Variants in KCNIP4 observed in about 807,000 individuals in gnomAD.
The protein encoded by KCNIP4 is Kv channel-interacting protein 4.
In KCNIP4, 12 loss-of-function variants were observed where a neutral mutation model predicts 34.0. The ratio of observed to expected loss-of-function variants is 0.35; its 90% confidence interval spans 0.23 to 0.57. The LOEUF is 0.57. KCNIP4 is among the 20% of genes least tolerant of loss of function. The pLI is 0.83. For synonymous variants in KCNIP4, 124 were observed against 102.2 expected, an observed-to-expected ratio of 1.21 and a Z score of -1.29; for missense variants, 238 against 311.7, an observed-to-expected ratio of 0.76 and a Z score of 1.78.
intron 1 of KCNIP4, among the ~76,000 whole-genome samples, chr4:21,670,900 C>CCCG (rs1560612628): frequency 6.6e-6 from 1 of 152,004 alleles, no homozygotes; most frequent in Non-Finnish European, 1.5e-5. Context: ...TCGTGATCCG[C>CCCG]CCGCCTCGGC....
intron 1 of KCNIP4, among the ~76,000 whole-genome samples, chr4:21,593,121 G>GTT (rs971678800): frequency 2.3e-4 from 13 of 56,130 alleles, no homozygotes; most frequent in Admixed American, 2.2e-3. Context: ...GTGTGTGTTT[G>GTT]TGTGTGTGTG....
intron 1 of KCNIP4, among the ~76,000 whole-genome samples, chr4:21,485,272 C>T (rs1002435439): frequency 6.6e-6 from 1 of 152,058 alleles, no homozygotes; most frequent in Non-Finnish European, 1.5e-5. Context: ...TTATTAAATG[C>T]TAACACTTCT....
chr4:21,232,250 CA>C (rs1215911331), intron 1 of KCNIP4, among the ~76,000 whole-genome samples: 1 of 152,058 alleles, frequency 6.6e-6, no homozygotes, highest in East Asian at 1.9e-4. Flanking sequence ...AGGTGTTGTG[CA>C]CACAGAAGAG....
At chr4:21,364,344 T>C (rs1036388079) in intron 1 of KCNIP4, among the ~76,000 whole-genome samples, 2 of 152,156 alleles carry the variant, frequency 1.3e-5, no homozygotes, top group African/African-American at 2.4e-5. Context: ...CTGAATGGCA[T>C]GGTTTCTGCC....
chr4:21,421,940 T>C (rs531686298), intron 1 of KCNIP4, among the ~76,000 whole-genome samples: 4 of 152,196 alleles, frequency 2.6e-5, no homozygotes, highest in Non-Finnish European at 4.4e-5. Flanking sequence ...ATTTCTTCTA[T>C]CATATTACTT....
intron 1 of KCNIP4, among the ~76,000 whole-genome samples, chr4:21,389,988 G>A (rs1161413574): frequency 3.7e-5 from 5 of 135,980 alleles, no homozygotes; most frequent in Non-Finnish European, 6.6e-5. Context: ...TTTAATGATT[G>A]CCCTTCTAAC....
rs147074441 is a variant in KCNIP4, at chr4:20,865,668, C to A, written c.164-15001G>T. Among the ~76,000 whole-genome samples the A allele has an allele frequency of 7.2e-5, 11 of 151,980 alleles. No individual in the cohort carries two copies. In the East Asian group the frequency reaches 2.1e-3, roughly 29 times the overall value. On this transcript the variant is annotated intron_variant, in intron 2 of 8. Transcript: ENST00000382152. ...AAAGAACCTAAAAAAATGTTGAATA[C>A]ACAGAGATAGAGAATAAAACAATGG...
chr4:21,879,104 C>G (rs1451980057), intron 1 of KCNIP4, among the ~76,000 whole-genome samples: 1 of 152,068 alleles, frequency 6.6e-6, no homozygotes, highest in Non-Finnish European at 1.5e-5. Flanking sequence ...TAGACAGTAG[C>G]TTTTCCCCCC....
At chr4:21,650,256 C>G (rs1456797476) in intron 1 of KCNIP4, among the ~76,000 whole-genome samples, 1 of 152,170 alleles carries the variant, frequency 6.6e-6, no homozygotes, top group Non-Finnish European at 1.5e-5. Context: ...TAAAAATTTT[C>G]TTTCACCTTG....
chr4:21,806,862 CA>C (rs1721327716), intron 1 of KCNIP4, among the ~76,000 whole-genome samples: 1 of 152,078 alleles, frequency 6.6e-6, no homozygotes, highest in African/African-American at 2.4e-5. Context: ...TTTCTACAGA[CA>C]AGGAGGGTTG....
At chr4:20,735,950 A>C (rs62410158) in intron 5 of KCNIP4, among the ~76,000 whole-genome samples, 25,480 of 152,142 alleles carry the variant, frequency 0.17, 2,221 homozygotes, top group Middle Eastern at 0.24. Flanking sequence ...CTTCTGGGTG[A>C]ATTTGCATTA....
chr4:20,847,504 T>C (rs1363098273), intron 3 of KCNIP4, among the ~76,000 whole-genome samples: 1 of 152,084 alleles, frequency 6.6e-6, no homozygotes, highest in African/African-American at 2.4e-5. Context: ...AGGCTCCTTA[T>C]AGGTGGACAG....
chr4:20,850,759 C>A, intron 2 of KCNIP4, 92 bp from the exon 3 acceptor site: 1 of 1,449,664 alleles, frequency 6.9e-7, no homozygotes, highest in Non-Finnish European at 9.3e-7. Flanking sequence ...AACATGTCTG[C>A]TAATGTCTGT....
chr4:20,858,811 T>C (rs1341506956), intron 2 of KCNIP4, among the ~76,000 whole-genome samples: 1 of 152,214 alleles, frequency 6.6e-6, no homozygotes, highest in African/African-American at 2.4e-5. Flanking sequence ...AGAAGTTCAG[T>C]GAGATAGCTA....
intron 1 of KCNIP4, among the ~76,000 whole-genome samples, chr4:21,624,885 C>G (rs1254181551): frequency 6.6e-6 from 1 of 152,080 alleles, no homozygotes; most frequent in East Asian, 1.9e-4. Flanking sequence ...CTCATAAATT[C>G]TTGAATATAC....
intron 1 of KCNIP4, among the ~76,000 whole-genome samples, chr4:21,270,260 G>C (rs540130318): frequency 8.5e-5 from 13 of 152,252 alleles, no homozygotes; most frequent in Admixed American, 8.5e-4. Flanking sequence ...AAAAAGGGAT[G>C]AAAGTGGAGC....
chr4:21,678,264 C>T (rs1387732824), intron 1 of KCNIP4, among the ~76,000 whole-genome samples: 1 of 146,136 alleles, frequency 6.8e-6, no homozygotes, highest in East Asian at 2.1e-4. Flanking sequence ...CATTACATTT[C>T]AGTTTTATAT....
chr4:21,050,845 T>C (rs1742866011), intron 1 of KCNIP4, among the ~76,000 whole-genome samples: 1 of 152,224 alleles, frequency 6.6e-6, no homozygotes, highest in African/African-American at 2.4e-5. Context: ...AAGAATGTTA[T>C]TGAATGATTT....
chr4:21,706,733 C>A lies in KCNIP4; in HGVS notation c.61+241838G>T, dbSNP rs1713298834. Among the ~76,000 whole-genome samples, 2 of 152,114 alleles carry A rather than the reference C, an allele frequency of 1.3e-5. 1 individual carries two copies. Among genetic ancestry groups the A allele is most frequent in the South Asian group, 4.1e-4 (2 of 4,822 alleles). ...GTTTTCTCTCAAAGACTGCTCCTCTCAAAACATCGTGGTGTGTTCTGTGTA... is the reference window on the plus strand; with the variant it reads ...GTTTTCTCTCAAAGACTGCTCCTCTAAAAACATCGTGGTGTGTTCTGTGTA... On this transcript the variant is annotated intron_variant, in intron 1 of 8. Coordinates refer to ENST00000382152, the MANE Select transcript of KCNIP4 (RefSeq NM_025221.6).
Sources: allele counts gnomAD v4.1 joint callset (sites outside exome capture counted in the v4.1 genomes callset), GRCh38; gene constraint gnomAD v4.1.1; transcripts MANE v1.5; gene names NCBI Gene and HGNC (gene_info 2026-07-23, HGNC 2026-07-21).